The following RASAL2 variants were observed in gnomAD, a reference collection of about 807,000 sequenced individuals.
The protein encoded by RASAL2 is ras GTPase-activating protein nGAP.
RASAL2 carries 58 observed loss-of-function variants against 128.9 expected under a neutral mutation model. The observed-to-expected ratio is 0.45, with a 90% CI of 0.36 to 0.56. RASAL2 has a LOEUF of 0.56. Among genes scored for constraint, RASAL2 ranks in the 20% least tolerant of loss-of-function variants. The probability of loss-of-function intolerance (pLI) is 0.00; values close to 1 mark genes in which losing one functional copy is unlikely to be tolerated. For missense variants in RASAL2, 1,360 were observed against 1,601.6 expected, an observed-to-expected ratio of 0.85 and a Z score of 2.57; for synonymous variants, 561 against 580.8, an observed-to-expected ratio of 0.97 and a Z score of 0.49.
intron 1 of RASAL2, among the ~76,000 whole-genome samples, chr1:178,194,089 C>A (rs1662579867): frequency 6.6e-6 from 1 of 152,168 alleles, no homozygotes; most frequent in South Asian, 2.1e-4. Flanking sequence ...ATCTACCCAG[C>A]AGCTCATTAA....
Position 178,457,832 on chromosome 1 carries a change from G to T in RASAL2, c.2540G>T (p.Ser847Ile). 1 of 1,614,216 alleles carries T rather than the reference G, an allele frequency of 6.2e-7. No individual in the cohort carries two copies. The highest frequency in any genetic ancestry group is 8.5e-7 in the Non-Finnish European group (1 of 1,180,040). Residue 847 changes from serine to isoleucine, a missense_variant, in exon 14 of 18, where the codon AGC (serine) becomes ATC (isoleucine). This residue lies in a region of RASAL2 where 741 missense variants were observed against 868.6 expected (regional missense o/e 0.85). Coordinates refer to ENST00000367649, the MANE Select transcript of RASAL2 (RefSeq NM_170692.4). ...GAAAGTAGCCTTCCTAATGGTCGGAGCGTCTCCCTCATGGACCTCCAGGAC... is the reference window on the plus strand; with the variant it reads ...GAAAGTAGCCTTCCTAATGGTCGGATCGTCTCCCTCATGGACCTCCAGGAC... ...ERESSLPNGR[S>I]VSLMDLQDTH...
intron 3 of RASAL2, among the ~76,000 whole-genome samples, chr1:178,381,896 T>C (rs1175056461): frequency 2.6e-5 from 4 of 152,158 alleles, no homozygotes; most frequent in Non-Finnish European, 5.9e-5. Context: ...TTAGAAGAGA[T>C]AGTTGATGAC....
chr1:178,442,821 T>A lies in RASAL2; in HGVS notation c.1074T>A (p.Ile358=), dbSNP rs1192443223. The stretch of plus-strand genomic sequence containing the variant: ...CCAGCAAGACCAAAGCAGACAATAT[T>A]TTCTGGGGCGAACATTTTGAATTCT... The part of the protein sequence containing the change: ...RTTSKTKADN[I]FWGEHFEFFS... The change falls in exon 8 of 18, where the codon ATT becomes ATA. Residue 358 remains isoleucine, a synonymous_variant. Transcript: ENST00000367649. 6.2e-7 allele frequency: 1 copy of A among 1,613,896 alleles called. No homozygotes were observed. Among genetic ancestry groups the A allele is most frequent in the East Asian group, 2.2e-5 (1 of 44,888 alleles).
At chr1:178,439,743 T>A (rs1343547749) in intron 6 of RASAL2, among the ~76,000 whole-genome samples, 168 bp downstream of exon 6, 1 of 152,164 alleles carries the variant, frequency 6.6e-6, no homozygotes, top group Non-Finnish European at 1.5e-5. Flanking sequence ...TTTCATCTAA[T>A]CATATTTGCA....
At chr1:178,309,150 T>A (rs1010601158) in intron 3 of RASAL2, among the ~76,000 whole-genome samples, 1 of 152,160 alleles carries the variant, frequency 6.6e-6, no homozygotes, top group Non-Finnish European at 1.5e-5. Flanking sequence ...TTAATACATA[T>A]AAAGATCAAA....
At chr1:178,270,967 A>G (rs1024452555) in intron 1 of RASAL2, among the ~76,000 whole-genome samples, 2 of 152,156 alleles carry the variant, frequency 1.3e-5, no homozygotes, top group Admixed American at 6.5e-5. Flanking sequence ...ATGTCTTAAC[A>G]TGTTTAGAGT....
intron 3 of RASAL2, among the ~76,000 whole-genome samples, chr1:178,379,016 T>C (rs1450605723): frequency 6.6e-6 from 1 of 151,842 alleles, no homozygotes; most frequent in Admixed American, 6.6e-5. Flanking sequence ...CGACAAGATT[T>C]GCTAAAAAGA....
intron 12 of RASAL2, among the ~76,000 whole-genome samples, chr1:178,456,254 C>G (rs1369151311): frequency 6.6e-6 from 1 of 152,130 alleles, no homozygotes; most frequent in African/African-American, 2.4e-5. Context: ...GCATGCATTT[C>G]TTTTCTCACA....
intron 1 of RASAL2, among the ~76,000 whole-genome samples, chr1:178,233,583 CTGCCAAAGATGGTTAGTAAT>C (rs1664101475): frequency 6.6e-6 from 1 of 152,182 alleles, no homozygotes; most frequent in Admixed American, 6.5e-5. Context: ...AAAGGTCATC[CTGCCAAAGATGGTTAGTAAT>C]AATGCTTCTT....
At chr1:178,273,950 C>A (rs576920703) in intron 1 of RASAL2, among the ~76,000 whole-genome samples, 2 of 152,160 alleles carry the variant, frequency 1.3e-5, no homozygotes, top group East Asian at 3.9e-4. Context: ...TAGTGAGTGA[C>A]GGATAACATT....
chr1:178,209,273 A>C (rs316261), intron 1 of RASAL2, among the ~76,000 whole-genome samples: 145,250 of 152,172 alleles, frequency 0.95, 69,676 homozygotes, highest in East Asian at 1. Context: ...CTTCCCATAA[A>C]TGCTTTTATG....
intron 1 of RASAL2, among the ~76,000 whole-genome samples, chr1:178,107,727 T>C (rs1466105040): frequency 2.6e-5 from 4 of 152,194 alleles, no homozygotes; most frequent in Non-Finnish European, 5.9e-5. Flanking sequence ...TTTGTCCTCC[T>C]GTGTCTGACT....
At chr1:178,358,237 T>TAAAAAAAAAAAAAAAAAA (rs71567191) in intron 3 of RASAL2, among the ~76,000 whole-genome samples, 2 of 34,774 alleles carry the variant, frequency 5.8e-5, no homozygotes, top group African/African-American at 1.3e-4. Context: ...CTCTGTCTCC[T>TAAAAAAAAAAAAAAAAAA]AAAAAAAAAA....
rs549503207 is a variant in RASAL2 at position 178,438,984 on chromosome 1, C to T, written c.675-438C>T. On this transcript the variant is annotated intron_variant, in intron 5 of 17. Transcript: ENST00000367649. ...GAAGATTCAGCCACTACTATTCTGTCAATCATATAAGAGGATAAAGCTATA... is the reference window on the plus strand; with the variant it reads ...GAAGATTCAGCCACTACTATTCTGTTAATCATATAAGAGGATAAAGCTATA... 4.0e-5 allele frequency among the ~76,000 whole-genome samples: 6 copies of T among 149,598 alleles called. No individual in the cohort carries two copies. The East Asian group carries it at 1.2e-3, about 30-fold the overall frequency.
At chr1:178,215,468 T>C (rs1663394837) in intron 1 of RASAL2, among the ~76,000 whole-genome samples, 3 of 152,248 alleles carry the variant, frequency 2.0e-5, no homozygotes, top group Admixed American at 2.0e-4. Flanking sequence ...CTTACGTGAG[T>C]GGAAAACAAG....
intron 5 of RASAL2, among the ~76,000 whole-genome samples, chr1:178,432,221 G>A (rs1386783106): frequency 6.6e-6 from 1 of 151,948 alleles, no homozygotes; most frequent in African/African-American, 2.4e-5. Context: ...AATCAGACTT[G>A]TGGAATTAAT....
intron 8 of RASAL2, among the ~76,000 whole-genome samples, chr1:178,444,951 A>C (rs773518271): frequency 4.6e-5 from 7 of 152,142 alleles, no homozygotes; most frequent in Admixed American, 4.6e-4. Flanking sequence ...ACAGAGGATA[A>C]AAAGAGAGAT....
At chr1:178,460,395 C>CT (rs1320827316) in intron 14 of RASAL2, among the ~76,000 whole-genome samples, 1 of 151,994 alleles carries the variant, frequency 6.6e-6, no homozygotes, top group Non-Finnish European at 1.5e-5. Flanking sequence ...ATTAAATAGC[C>CT]TTTTTTGTGC....
intron 2 of RASAL2, among the ~76,000 whole-genome samples, chr1:178,296,329 A>G (rs910310978): frequency 6.6e-6 from 1 of 151,970 alleles, no homozygotes; most frequent in African/African-American, 2.4e-5. Flanking sequence ...CTTTCTTCCT[A>G]TAAAATGGAA....
Sources: allele counts gnomAD v4.1 joint callset (sites outside exome capture counted in the v4.1 genomes callset), GRCh38; gene constraint gnomAD v4.1.1; regional missense constraint gnomAD v4.1.1; transcripts MANE v1.5; gene names NCBI Gene and HGNC (gene_info 2026-07-23, HGNC 2026-07-21).